Variants in BTG4 observed in about 807,000 individuals in gnomAD.
The protein encoded by BTG4 is BTG anti-proliferation factor 4.
In BTG4, 10 loss-of-function variants were observed where a neutral mutation model predicts 19.3. That is an observed-to-expected ratio of 0.52 (90% CI 0.32 to 0.88). The LOEUF (loss-of-function observed/expected upper bound fraction) is 0.88. Ranked by LOEUF, BTG4 falls within the 40% of genes least tolerant of loss-of-function variation. BTG4 has a pLI of 0.04. For synonymous variants in BTG4, 91 were observed against 95.7 expected, an observed-to-expected ratio of 0.95 and a Z score of 0.29; for missense variants, 238 against 281.9, an observed-to-expected ratio of 0.84 and a Z score of 1.11.
chr11:111,436,078 A>G, the BTG4 span, among the ~76,000 whole-genome samples: 1 of 152,330 alleles, frequency 6.6e-6, no homozygotes, highest in African/African-American at 2.4e-5. Context: ...TTCTCATAAC[A>G]ACTTCCCAGG....
the BTG4 span, among the ~76,000 whole-genome samples, chr11:111,405,555 T>C: frequency 6.6e-6 from 1 of 152,026 alleles, no homozygotes; most frequent in Non-Finnish European, 1.5e-5. Flanking sequence ...AGATTTGGTA[T>C]CTGTAGCAGA....
Position 111,495,047 on chromosome 11 carries a change from G to C in BTG4, c.*88C>G, listed in dbSNP as rs1865634071. 1 of 1,377,094 alleles carries C rather than the reference G, an allele frequency of 7.3e-7. No individual in the cohort carries two copies. The highest frequency in any genetic ancestry group is 9.4e-7 in the Non-Finnish European group (1 of 1,067,300). The allele number at this position is 1,377,094 out of a possible 1,614,324, so 85.3% of individuals were successfully genotyped here. Reference sequence around the variant, plus strand: ...CTAATATGGTCATTTTTTGTTTCATGGGCCTCTCAACCTTAAATTCATTTT... The same window carrying C: ...CTAATATGGTCATTTTTTGTTTCATCGGCCTCTCAACCTTAAATTCATTTT... On this transcript the variant is annotated 3_prime_UTR_variant, in exon 5 of 5. Transcript: ENST00000692032.
chr11:111,429,154 G>A, the BTG4 span, among the ~76,000 whole-genome samples: 11 of 152,026 alleles, frequency 7.2e-5, no homozygotes, highest in African/African-American at 2.7e-4. Context: ...ATCTAATTCC[G>A]GGACATTTCA....
At chr11:111,387,877 AC>A in the BTG4 span, among the ~76,000 whole-genome samples, 5 of 151,342 alleles carry the variant, frequency 3.3e-5, no homozygotes, top group East Asian at 5.8e-4. Flanking sequence ...AGGCACAGAG[AC>A]CTTTTTTTTT....
chr11:111,427,501 T>G, the BTG4 span, among the ~76,000 whole-genome samples: 1 of 152,210 alleles, frequency 6.6e-6, no homozygotes, highest in Non-Finnish European at 1.5e-5. Context: ...AAAAGAGATT[T>G]TTTTTCCTAA....
In BTG4 at chr11:111,498,093, T is replaced by C. The variant is rs960487118; in HGVS notation, c.216A>G (p.Leu72=). The C allele has an allele frequency of 1.2e-6, 2 of 1,614,036 alleles. No homozygotes were observed. The highest frequency in any genetic ancestry group is 2.7e-5 in the African/African-American group (2 of 74,936). ...CATTACTTTCCACACATGCCCTTTC[T>C]AGAATGGGATCTTTATTCTGATTGT... ...INNNQNKDPI[L]ERACVESNVD... Residue 72 remains leucine (L), a synonymous_variant, in exon 3 of 5, where the codon CTA becomes CTG. Transcript: ENST00000692032.
the BTG4 span, among the ~76,000 whole-genome samples, chr11:111,404,958 T>C: frequency 2.0e-5 from 3 of 152,222 alleles, no homozygotes; most frequent in Non-Finnish European, 4.4e-5. Flanking sequence ...TCTTTGTAGA[T>C]ACAGACCATA....
chr11:111,440,712 G>T, the BTG4 span, among the ~76,000 whole-genome samples: 22 of 152,344 alleles, frequency 1.4e-4, no homozygotes, highest in Admixed American at 1.4e-3. Flanking sequence ...CTTGAGTCAG[G>T]TCAGTGCTGA....
intron 1 of BTG4, among the ~76,000 whole-genome samples, chr11:111,502,202 G>A (rs1414702305): frequency 6.6e-6 from 1 of 151,932 alleles, no homozygotes; most frequent in Non-Finnish European, 1.5e-5. Context: ...GAACTCCTGG[G>A]CTCAAGGAAC....
downstream of BTG4, among the ~76,000 whole-genome samples, chr11:111,463,852 T>C (rs1214220721): frequency 2.6e-5 from 4 of 152,184 alleles, no homozygotes; most frequent in Non-Finnish European, 4.4e-5. Flanking sequence ...CTCACTCTTA[T>C]GGCTATTGGC....
the BTG4 span, among the ~76,000 whole-genome samples, chr11:111,426,280 A>T: frequency 6.6e-6 from 1 of 152,102 alleles, no homozygotes; most frequent in African/African-American, 2.4e-5. Context: ...GAAATGAAAA[A>T]AAAATGGAAA....
chr11:111,496,929 T>C, intron 4 of BTG4: 1 of 377,834 alleles, frequency 2.6e-6, no homozygotes, highest in Non-Finnish European at 4.7e-6. Flanking sequence ...TTTGATTCTG[T>C]AGGAATTTAA....
chr11:111,492,007 T>C (rs12278025), downstream of BTG4, among the ~76,000 whole-genome samples: 5,416 of 152,260 alleles, frequency 0.036, 325 homozygotes, highest in African/African-American at 0.12. Context: ...AGGGATCATA[T>C]GCTCATGGAT....
At chr11:111,419,362 A>C in the BTG4 span, among the ~76,000 whole-genome samples, 2 of 152,352 alleles carry the variant, frequency 1.3e-5, no homozygotes, top group Non-Finnish European at 2.9e-5. Context: ...CCCTAGAGAT[A>C]CAAAGCTTCA....
intron 5 of BTG4, among the ~76,000 whole-genome samples, chr11:111,486,871 T>C (rs1412711594): frequency 6.6e-6 from 1 of 152,196 alleles, no homozygotes; most frequent in African/African-American, 2.4e-5. Context: ...AGGTTTGTTA[T>C]ATAGGTAAAC....
At chr11:111,500,386 CCATTT>C (rs1329022858) in intron 1 of BTG4, among the ~76,000 whole-genome samples, 1 of 152,166 alleles carries the variant, frequency 6.6e-6, no homozygotes, top group African/African-American at 2.4e-5. Context: ...ACAAGGAAGT[CCATTT>C]CATTTCTAAA....
chr11:111,510,505 C>T (rs1056501170), intron 1 of BTG4, among the ~76,000 whole-genome samples: 4 of 152,154 alleles, frequency 2.6e-5, no homozygotes, highest in Non-Finnish European at 2.9e-5. Context: ...CACAAGCATT[C>T]TTACTTAGAT....
At chr11:111,478,168 T>C (rs557419160) in intron 5 of BTG4, among the ~76,000 whole-genome samples, 3 of 152,232 alleles carry the variant, frequency 2.0e-5, no homozygotes, top group Admixed American at 6.5e-5. Context: ...AGTAGAGAGT[T>C]AGGGCTTATG....
At chr11:111,386,444 C>T in the BTG4 span, among the ~76,000 whole-genome samples, 1 of 152,158 alleles carries the variant, frequency 6.6e-6, no homozygotes, top group South Asian at 2.1e-4. Context: ...CCTAGAGGCT[C>T]AACAACCTCT....
Sources: gnomAD v4.1 joint callset for allele counts (sites outside exome capture counted in the v4.1 genomes callset) on GRCh38, gnomAD v4.1.1 for gene constraint, MANE v1.5 for transcripts, NCBI Gene and HGNC (gene_info 2026-07-23, HGNC 2026-07-21) for gene names.